Variants in PTPRG observed in about 807,000 individuals in gnomAD.
PTPRG encodes the protein protein tyrosine phosphatase receptor type G.
Under a neutral mutation model 165.3 loss-of-function variants are expected in PTPRG, and 102 were observed. The observed-to-expected ratio is 0.62, with a 90% CI of 0.53 to 0.73. The LOEUF is 0.73. PTPRG is among the 30% of genes least tolerant of loss of function. The pLI is 0.00. For synonymous variants in PTPRG, 675 were observed against 669.5 expected, an observed-to-expected ratio of 1.01 and a Z score of -0.13; for missense variants, 1,866 against 1,861.4, an observed-to-expected ratio of 1.00 and a Z score of -0.05.
chr3:61,803,497 C>A (rs73841153), intron 2 of PTPRG, among the ~76,000 whole-genome samples: 132 of 126,062 alleles, frequency 1.0e-3, no homozygotes, highest in Non-Finnish European at 1.8e-3. Context: ...TCCATGTTGT[C>A]CAACATGGAC....
chr3:61,870,127 A>C (rs2037524772), intron 2 of PTPRG, among the ~76,000 whole-genome samples: 1 of 151,534 alleles, frequency 6.6e-6, no homozygotes, highest in Non-Finnish European at 1.5e-5. Context: ...ACAAACATTT[A>C]GTCTATAGTG....
At chr3:61,603,313 G>T (rs1700916235) in intron 1 of PTPRG, among the ~76,000 whole-genome samples, 1 of 152,158 alleles carries the variant, frequency 6.6e-6, no homozygotes, top group African/African-American at 2.4e-5. Context: ...CGGAGCCTTT[G>T]TGGTTTGGTG....
intron 1 of PTPRG, among the ~76,000 whole-genome samples, chr3:61,609,752 G>A (rs1410900964): frequency 6.6e-6 from 1 of 152,080 alleles, no homozygotes; most frequent in Non-Finnish European, 1.5e-5. Flanking sequence ...CTAGCTACTT[G>A]GGAGGCCAAG....
At chr3:61,885,659 CT>C (rs1243251299) in intron 2 of PTPRG, among the ~76,000 whole-genome samples, 25 of 24,204 alleles carry the variant, frequency 1.0e-3, no homozygotes, top group Non-Finnish European at 1.9e-3. Flanking sequence ...TTTTCCTTCT[CT>C]CCTCTCCTCT....
chr3:61,621,039 A>G lies in PTPRG; in HGVS notation c.85+58667A>G, dbSNP rs1295502251. Among the ~76,000 whole-genome samples the G allele has an allele frequency of 1.7e-3, 177 of 105,136 alleles. 8 individuals are homozygous for G. In the South Asian group the frequency reaches 0.021, roughly 12 times the overall value. The allele number at this position is 105,136 out of a possible 152,430, so 69.0% of individuals were successfully genotyped here. On this transcript the variant is annotated intron_variant, in intron 1 of 29. Coordinates refer to ENST00000474889, the MANE Select transcript of PTPRG (RefSeq NM_002841.4). ...CATGCCCCAGTGTGTGTGTGTATAT[A>G]TATATATATATATGTGTGTGTGTGT... is the stretch of plus-strand genomic sequence containing the variant.
intron 1 of PTPRG, among the ~76,000 whole-genome samples, chr3:61,581,591 A>G (rs1700295263): frequency 7.0e-6 from 1 of 143,506 alleles, no homozygotes; most frequent in South Asian, 2.3e-4. Flanking sequence ...GAGAGAACCC[A>G]TGGTTGCTTC....
At chr3:62,116,120 A>C (rs2106874190) in intron 5 of PTPRG, among the ~76,000 whole-genome samples, 1 of 152,308 alleles carries the variant, frequency 6.6e-6, no homozygotes, top group South Asian at 2.1e-4. Flanking sequence ...ACTTGCCCAA[A>C]GTCAACCAGC....
intron 1 of PTPRG, among the ~76,000 whole-genome samples, chr3:61,671,777 C>T (rs1703000154): frequency 1.4e-5 from 2 of 142,238 alleles, no homozygotes; most frequent in African/African-American, 2.6e-5. Flanking sequence ...GGCTGACCCC[C>T]CCACCTCCCT....
chr3:61,647,907 G>A (rs1441788320), intron 1 of PTPRG, among the ~76,000 whole-genome samples: 1 of 151,422 alleles, frequency 6.6e-6, no homozygotes, highest in African/African-American at 2.4e-5. Context: ...GTTCCCTTAC[G>A]AAGTGTCCTG....
intron 1 of PTPRG, among the ~76,000 whole-genome samples, chr3:61,746,591 C>A (rs766319848): frequency 6.6e-6 from 1 of 152,054 alleles, no homozygotes; most frequent in Non-Finnish European, 1.5e-5. Context: ...CAACCACCCC[C>A]CGAGGCTTCC....
At chr3:61,687,822 C>T (rs1039966760) in intron 1 of PTPRG, among the ~76,000 whole-genome samples, 1 of 152,124 alleles carries the variant, frequency 6.6e-6, no homozygotes, top group African/African-American at 2.4e-5. Flanking sequence ...AAATAGCCCT[C>T]AGAATATGAC....
intron 5 of PTPRG, among the ~76,000 whole-genome samples, chr3:62,086,401 A>G (rs1230415045): frequency 1.3e-5 from 2 of 152,224 alleles, no homozygotes; most frequent in East Asian, 3.9e-4. Context: ...CCCTAACCCC[A>G]GACCCCCAGA....
At chr3:62,002,227 C>A (rs1217529361) in intron 3 of PTPRG, among the ~76,000 whole-genome samples, 1 of 152,118 alleles carries the variant, frequency 6.6e-6, no homozygotes, top group Non-Finnish European at 1.5e-5. Context: ...TTAGCCTAGT[C>A]CCTATCTTTT....
At chr3:61,592,641 C>CTTTTTTTTTTTTTTTTTTTTTTT (rs773860673) in intron 1 of PTPRG, among the ~76,000 whole-genome samples, 3 of 139,980 alleles carry the variant, frequency 2.1e-5, no homozygotes, top group South Asian at 2.2e-4. Flanking sequence ...TTCTTTCTTT[C>CTTTTTTTTTTTTTTTTTTTTTTT]TTTCTTTCTT....
At chr3:62,027,224 G>A (rs1004325359) in intron 4 of PTPRG, among the ~76,000 whole-genome samples, 7 of 152,142 alleles carry the variant, frequency 4.6e-5, no homozygotes, top group African/African-American at 1.7e-4. Context: ...CTAACTGATA[G>A]TGTGGAGAAG....
chr3:61,817,195 T>C (rs753988645), intron 2 of PTPRG, among the ~76,000 whole-genome samples: 3 of 135,678 alleles, frequency 2.2e-5, no homozygotes, highest in Non-Finnish European at 3.1e-5. Flanking sequence ...TAAAATAATA[T>C]ATATAATAAT....
At chr3:62,063,008 T>C (rs1330105863) in intron 4 of PTPRG, among the ~76,000 whole-genome samples, 2 of 152,144 alleles carry the variant, frequency 1.3e-5, no homozygotes, top group African/African-American at 4.8e-5. Context: ...CCCAAACTAG[T>C]GTAAGGTTAT....
intron 1 of PTPRG, among the ~76,000 whole-genome samples, chr3:61,638,194 C>A: frequency 6.6e-6 from 1 of 152,120 alleles, no homozygotes. Context: ...TCTTCAGATG[C>A]TGATATAGAA....
chr3:61,880,636 A>AAG lies in PTPRG; in HGVS notation c.191-108988_191-108987insGA, dbSNP rs1257130349. On this transcript the variant is annotated intron_variant, in intron 2 of 29. Coordinates refer to ENST00000474889, the MANE Select transcript of PTPRG (RefSeq NM_002841.4). ...GAACCCTGTCTCAAAAAAAAAAAAA[A>AAG]AAAAAAAAGAGAGAGACCTATGGCC... Among the ~76,000 whole-genome samples, 505 of 151,526 alleles carry AAG rather than the reference A, an allele frequency of 3.3e-3. 4 individuals are homozygous for AAG. Among genetic ancestry groups the AAG allele is most frequent in the African/African-American group, 0.012 (488 of 41,150 alleles).
Sources: gnomAD v4.1 joint callset for allele counts (sites outside exome capture counted in the v4.1 genomes callset) on GRCh38, gnomAD v4.1.1 for gene constraint, MANE v1.5 for transcripts, NCBI Gene and HGNC (gene_info 2026-07-23, HGNC 2026-07-21) for gene names.